The following CDH23 variants were observed in gnomAD, a reference collection of about 807,000 sequenced individuals.
CDH23 encodes the protein cadherin related 23, also known as cadherin-23.
Under a neutral mutation model 317.1 loss-of-function variants are expected in CDH23, and 189 were observed. That is an observed-to-expected ratio of 0.60 (90% confidence interval 0.53 to 0.67). The LOEUF is 0.67. CDH23 is among the 30% of genes least tolerant of loss of function. The pLI is 0.00. For synonymous variants in CDH23, 1,839 were observed against 1,876.8 expected (o/e 0.98, Z 0.52); for missense variants, 4,401 against 4,592.4 (o/e 0.96, Z 1.20).
At chr10:71,799,377 C>G in intron 51 of CDH23, 97 bp downstream of exon 51, 3 of 1,604,062 alleles carry the variant, frequency 1.9e-6, no homozygotes, top group South Asian at 2.2e-5. Context: ...TCTAAGCCCC[C>G]TGGGAGTGCC....
intron 2 of CDH23, among the ~76,000 whole-genome samples, chr10:71,440,121 G>T (rs546739692): frequency 1.8e-4 from 27 of 152,344 alleles, no homozygotes; most frequent in African/African-American, 6.3e-4. Flanking sequence ...GGACACAAGA[G>T]GGAATGGGAG....
intron 30 of CDH23, among the ~76,000 whole-genome samples, chr10:71,727,626 CT>C (rs1366238814): frequency 1.8e-4 from 27 of 152,258 alleles, no homozygotes; most frequent in African/African-American, 6.3e-4. Flanking sequence ...AGACAGTCCC[CT>C]TAGAGACTGG....
intron 14 of CDH23, among the ~76,000 whole-genome samples, chr10:71,666,822 A>G (rs1863920225): frequency 6.6e-6 from 1 of 152,178 alleles, no homozygotes; most frequent in African/African-American, 2.4e-5. Context: ...CCAACCCCCC[A>G]GAGCTTACAA....
chr10:71,469,951 A>C (rs1046755560), intron 3 of CDH23, among the ~76,000 whole-genome samples: 7 of 152,018 alleles, frequency 4.6e-5, no homozygotes, highest in Non-Finnish European at 8.8e-5. Flanking sequence ...CTCTTGGGAA[A>C]ATTTTTAGGA....
In CDH23 at chr10:71,667,359, A is replaced by AGAGAGAGAGAGTGTGT. The variant is rs58361666; in HGVS notation, c.1450-7752_1450-7751insAGAGAGAGAGTGTGTG. Among the ~76,000 whole-genome samples, 519 of 112,062 alleles carry AGAGAGAGAGAGTGTGT rather than the reference A, an allele frequency of 4.6e-3. 2 individuals are homozygous for AGAGAGAGAGAGTGTGT. The highest frequency in any genetic ancestry group is 8.7e-3 in the Middle Eastern group (2 of 230). The allele number at this position is 112,062 out of a possible 152,430, so 73.5% of individuals were successfully genotyped here. On this transcript the variant is annotated intron_variant, in intron 14 of 69. Coordinates refer to ENST00000224721, the MANE Select transcript of CDH23 (RefSeq NM_022124.6). Reference sequence around the variant, plus strand: ...GCTTGAGGCAGAGAAAGAGAGAGAGAGTGTGTGTGTGTGTGTGTGTGTGTG... The same window carrying AGAGAGAGAGAGTGTGT: ...GCTTGAGGCAGAGAAAGAGAGAGAGAGAGAGAGAGAGTGTGTGTGTGTGTGTGTGTGTGTGTGTGTG...
At chr10:71,680,834 T>TC (rs1172651378) in intron 17 of CDH23, among the ~76,000 whole-genome samples, 6 of 138,334 alleles carry the variant, frequency 4.3e-5, no homozygotes, top group Admixed American at 1.4e-4. Flanking sequence ...TTTTTCTTTT[T>TC]TTTTTTTTTT....
At chr10:71,535,980 A>G (rs1208836532) in intron 6 of CDH23, among the ~76,000 whole-genome samples, 1 of 152,262 alleles carries the variant, frequency 6.6e-6, no homozygotes, top group Non-Finnish European at 1.5e-5. Context: ...CGCTCTCGGC[A>G]GAAGTCCTCG....
intron 41 of CDH23, among the ~76,000 whole-genome samples, chr10:71,780,522 G>A (rs1205122050): frequency 6.6e-6 from 1 of 152,206 alleles, no homozygotes; most frequent in Non-Finnish European, 1.5e-5. Context: ...GCATGCCTGG[G>A]ATGTTCACAG....
intron 11 of CDH23, among the ~76,000 whole-genome samples, chr10:71,636,773 C>T (rs556757822): frequency 6.6e-6 from 1 of 152,342 alleles, no homozygotes; most frequent in East Asian, 1.9e-4. Flanking sequence ...CACCTTGATG[C>T]AGGCCCAAGA....
rs1841717815 is a variant in CDH23 at position 71,806,262 on chromosome 10, C to A, written c.8159C>A (p.Pro2720His). Residue 2720 changes from proline to histidine, a missense_variant, in exon 57 of 70, where the codon CCC (proline) becomes CAC (histidine). Pro to His is a moderately conservative substitution (Grantham distance 77). Coordinates refer to ENST00000224721, the MANE Select transcript of CDH23 (RefSeq NM_022124.6). ...VALEDIDDNE[P>H]LFVRPPKGSP... is the part of the protein sequence containing the mutation. The stretch of plus-strand genomic sequence containing the variant: ...CTGGAGGACATCGATGACAACGAAC[C>A]CCTTTTCGTGAGGCCTCCAGTGAGC... The A allele has an allele frequency of 1.3e-6, 2 of 1,562,934 alleles. No individual in the cohort carries two copies. The highest frequency in any genetic ancestry group is 1.7e-6 in the Non-Finnish European group (2 of 1,154,104).
intron 38 of CDH23, chr10:71,750,383 A>C (rs1275947931): frequency 6.6e-6 from 1 of 150,826 alleles, no homozygotes; most frequent in Admixed American, 6.6e-5. Context: ...AGGGTGGACA[A>C]GACATTGTGT....
At chr10:71,458,674 A>G (rs1850817776) in intron 3 of CDH23, among the ~76,000 whole-genome samples, 1 of 152,254 alleles carries the variant, frequency 6.6e-6, no homozygotes, top group Non-Finnish European at 1.5e-5. Context: ...CAGTTTACTC[A>G]GTTCAAAATT....
chr10:71,625,660 G>A (rs1197988819), intron 11 of CDH23, among the ~76,000 whole-genome samples: 2 of 152,188 alleles, frequency 1.3e-5, no homozygotes, highest in East Asian at 1.9e-4. Context: ...TAGGCAGTTT[G>A]TCTGGGCTGC....
chr10:71,712,915 G>A, intron 28 of CDH23, 102 bp downstream of exon 28: 1 of 1,407,702 alleles, frequency 7.1e-7, no homozygotes, highest in South Asian at 1.2e-5. Flanking sequence ...GCGGAAGCAG[G>A]TGGGGGCCCA....
intron 24 of CDH23, among the ~76,000 whole-genome samples, chr10:71,704,064 G>T (rs1865689092): frequency 6.6e-6 from 1 of 152,320 alleles, no homozygotes; most frequent in East Asian, 1.9e-4. Flanking sequence ...CCAGGGGGTA[G>T]AGCTGTGCGC....
intron 20 of CDH23, among the ~76,000 whole-genome samples, chr10:71,692,346 T>A (rs1865215765): frequency 2.6e-5 from 4 of 152,216 alleles, no homozygotes; most frequent in Admixed American, 2.6e-4. Flanking sequence ...ACAGACATTT[T>A]CTTGCTGCCT....
rs116028465 is a variant in CDH23, at chr10:71,409,223, C to T, written c.-6+11905C>T. 7.2e-4 allele frequency among the ~76,000 whole-genome samples: 109 copies of T among 152,258 alleles called. 2 individuals are homozygous for T. The highest frequency in any genetic ancestry group is 2.5e-3 in the African/African-American group (102 of 41,532). ...AGGGGCAGGGGATTCCCTGGTGTTC[C>T]CTTCTAATGTGTGGGGTCCGTCATG... On this transcript the variant is annotated intron_variant, in intron 1 of 69. Coordinates refer to ENST00000224721, the MANE Select transcript of CDH23 (RefSeq NM_022124.6).
At chr10:71,711,499 G>A (rs1366971474) in intron 27 of CDH23, among the ~76,000 whole-genome samples, 1 of 152,072 alleles carries the variant, frequency 6.6e-6, no homozygotes, top group African/African-American at 2.4e-5. Context: ...TTCCTCCAGG[G>A]AGGACAACCC....
intron 69 of CDH23, 127 bp downstream of exon 69, chr10:71,813,475 G>C (rs1842012719): frequency 1.2e-6 from 1 of 819,640 alleles, no homozygotes. Flanking sequence ...GACAGCAATG[G>C]GTGGGGGCCA....
Sources: gnomAD v4.1 joint callset for allele counts (sites outside exome capture counted in the v4.1 genomes callset) on GRCh38, gnomAD v4.1.1 for gene constraint, MANE v1.5 for transcripts, NCBI Gene and HGNC (gene_info 2026-07-23, HGNC 2026-07-21) for gene names.